EHBP1: variants seen among roughly 807,000 people sequenced by gnomAD.
The protein encoded by EHBP1 is EH domain-binding protein 1.
A neutral mutation model predicts 144.0 loss-of-function variants in EHBP1; 55 were observed. The observed-to-expected ratio is 0.38, with a 90% confidence interval of 0.31 to 0.48. The LOEUF (loss-of-function observed/expected upper bound fraction) is 0.48, where lower values mean the gene tolerates loss of function less well. Among genes scored for constraint, EHBP1 ranks in the 20% least tolerant of loss-of-function variants. EHBP1 has a pLI of 0.98. For missense variants in EHBP1, 1,200 were observed against 1,364.2 expected (o/e 0.88, Z 1.90); for synonymous variants, 469 against 472.7 (o/e 0.99, Z 0.10).
chr2:62,763,457 A>G (rs983157588), intron 3 of EHBP1, among the ~76,000 whole-genome samples: 1 of 152,234 alleles, frequency 6.6e-6, no homozygotes, highest in Non-Finnish European at 1.5e-5. Context: ...TGAGTTTAAC[A>G]TAAGTAAATT....
At chr2:62,769,807 A>C in intron 4 of EHBP1, among the ~76,000 whole-genome samples, 1 of 149,578 alleles carries the variant, frequency 6.7e-6, no homozygotes, top group Middle Eastern at 3.2e-3. Flanking sequence ...AAAAAAAAAA[A>C]AAAAAAAAAG....
chr2:62,866,438 A>C (rs2050044956), intron 9 of EHBP1, among the ~76,000 whole-genome samples: 1 of 152,232 alleles, frequency 6.6e-6, no homozygotes, highest in South Asian at 2.1e-4. Context: ...ATAGATGCAG[A>C]AATGGGACAG....
intron 5 of EHBP1, among the ~76,000 whole-genome samples, chr2:62,809,004 C>G (rs72888957): frequency 0.016 from 2,426 of 152,136 alleles, 61 homozygotes; most frequent in African/African-American, 0.055. Flanking sequence ...TTGGTAAGAG[C>G]AGAGTAGGCC....
At chr2:62,987,196 A>G (rs2059235537) in intron 15 of EHBP1, among the ~76,000 whole-genome samples, 1 of 152,202 alleles carries the variant, frequency 6.6e-6, no homozygotes, top group Admixed American at 6.5e-5. Context: ...AGGAAAAAAT[A>G]TCTACTAAAA....
chr2:62,862,256 A>G (rs922965190), intron 8 of EHBP1, among the ~76,000 whole-genome samples: 5 of 152,230 alleles, frequency 3.3e-5, no homozygotes, highest in Non-Finnish European at 7.3e-5. Flanking sequence ...TTTTCAACAT[A>G]AAGACAAAAT....
At chr2:62,767,713 G>A (rs2041301772) in intron 4 of EHBP1, among the ~76,000 whole-genome samples, 1 of 151,472 alleles carries the variant, frequency 6.6e-6, no homozygotes, top group South Asian at 2.1e-4. Flanking sequence ...GTGTGTGCCT[G>A]TAGTCCCAGC....
chr2:62,873,797 C>T (rs1214067384), intron 9 of EHBP1, among the ~76,000 whole-genome samples: 1 of 152,118 alleles, frequency 6.6e-6, no homozygotes, highest in Non-Finnish European at 1.5e-5. Context: ...TAACTGACAA[C>T]TAGAATTCTC....
chr2:62,959,089 G>A (rs546736795), intron 14 of EHBP1, among the ~76,000 whole-genome samples: 22 of 152,188 alleles, frequency 1.4e-4, no homozygotes, highest in South Asian at 4.2e-4. Flanking sequence ...CCATGAATCC[G>A]ACTATTTTAG....
intron 19 of EHBP1, among the ~76,000 whole-genome samples, chr2:63,030,352 C>T (rs1363250759): frequency 1.3e-5 from 2 of 151,956 alleles, no homozygotes; most frequent in African/African-American, 4.8e-5. Flanking sequence ...TTTTGGCCTA[C>T]ATGAATGTAT....
intron 10 of EHBP1, among the ~76,000 whole-genome samples, chr2:62,926,714 A>G (rs377698053): frequency 5.9e-5 from 9 of 152,132 alleles, no homozygotes; most frequent in East Asian, 3.8e-4. Flanking sequence ...GGATGCAGAG[A>G]AAAGGAAACT....
chr2:62,980,244 G>A (rs1042813605), intron 15 of EHBP1, among the ~76,000 whole-genome samples: 4 of 152,162 alleles, frequency 2.6e-5, no homozygotes, highest in Admixed American at 2.0e-4. Context: ...AGATCATCAG[G>A]CATTAGTTAG....
At chr2:62,711,965 A>G (rs1437441978) in intron 2 of EHBP1, among the ~76,000 whole-genome samples, 12 of 152,148 alleles carry the variant, frequency 7.9e-5, no homozygotes, top group Non-Finnish European at 1.5e-4. Context: ...TTTTTGGAGT[A>G]TTTTGCTACA....
At chr2:63,027,422 G>A (rs1034171638) in intron 19 of EHBP1, among the ~76,000 whole-genome samples, 1 of 152,198 alleles carries the variant, frequency 6.6e-6, no homozygotes, top group African/African-American at 2.4e-5. Flanking sequence ...AGGGGCACTG[G>A]ATGTGGTATT....
intron 3 of EHBP1, among the ~76,000 whole-genome samples, chr2:62,761,971 C>A (rs192684045): frequency 6.6e-6 from 1 of 152,136 alleles, no homozygotes; most frequent in East Asian, 1.9e-4. Flanking sequence ...TCTTTGTTCT[C>A]GTCACTTTAC....
intron 2 of EHBP1, among the ~76,000 whole-genome samples, chr2:62,717,988 A>G (rs1258173279): frequency 1.3e-5 from 2 of 152,210 alleles, no homozygotes; most frequent in African/African-American, 4.8e-5. Flanking sequence ...TGGCTCTTTA[A>G]TAGTCCTCCT....
intron 10 of EHBP1, among the ~76,000 whole-genome samples, chr2:62,897,774 C>G (rs1314361348): frequency 6.6e-6 from 1 of 152,168 alleles, no homozygotes; most frequent in Non-Finnish European, 1.5e-5. Flanking sequence ...ATGGCATTGC[C>G]TTTCATGCAG....
At chr2:62,920,842 T>G (rs917691338) in intron 10 of EHBP1, among the ~76,000 whole-genome samples, 1 of 151,970 alleles carries the variant, frequency 6.6e-6, no homozygotes, top group Non-Finnish European at 1.5e-5. Flanking sequence ...TTTGTGGGGT[T>G]TTTTTAAGTA....
intron 1 of EHBP1, among the ~76,000 whole-genome samples, chr2:62,682,406 G>C (rs1197888011): frequency 2.0e-5 from 3 of 152,092 alleles, no homozygotes; most frequent in Non-Finnish European, 4.4e-5. Flanking sequence ...AGCTTTTCTA[G>C]TACCTTTGGA....
chr2:62,832,240 A>T (rs951446985), intron 7 of EHBP1, among the ~76,000 whole-genome samples: 3 of 152,114 alleles, frequency 2.0e-5, no homozygotes, highest in Non-Finnish European at 4.4e-5. Context: ...AGTCTCTTGA[A>T]TTTCAAATGT....
Sources: allele counts gnomAD v4.1 joint callset (sites outside exome capture counted in the v4.1 genomes callset), GRCh38; gene constraint gnomAD v4.1.1; transcripts MANE v1.5; gene names NCBI Gene and HGNC (gene_info 2026-07-23, HGNC 2026-07-21).